Variants in CHMP4B observed in about 807,000 individuals in gnomAD.
CHMP4B encodes charged multivesicular body protein 4B.
In CHMP4B, 1 loss-of-function variant was observed where a neutral mutation model predicts 25.1. The observed-to-expected ratio is 0.04, with a 90% CI of 0.01 to 0.19. The LOEUF (loss-of-function observed/expected upper bound fraction) is 0.19. Among genes scored for constraint, CHMP4B ranks in the 10% least tolerant of loss-of-function variants. The pLI, the probability that CHMP4B is intolerant of heterozygous loss-of-function variation, is 1.00. For synonymous variants in CHMP4B, 101 were observed against 115.6 expected (o/e 0.87, Z 0.81); for missense variants, 151 against 289.7 (o/e 0.52, Z 3.48).
At chr20:33,851,151 A>C in intron 3 of CHMP4B, 85 bp downstream of exon 3, 2 of 889,488 alleles carry the variant, frequency 2.2e-6, no homozygotes, top group Non-Finnish European at 3.8e-6. Context: ...GCTCTCAGGC[A>C]GGGAGCATTT....
At chr20:33,847,600 G>A (rs1234152772) in intron 1 of CHMP4B, among the ~76,000 whole-genome samples, 2 of 152,190 alleles carry the variant, frequency 1.3e-5, no homozygotes, top group East Asian at 3.8e-4. Flanking sequence ...ACCTTAACAT[G>A]AGGTGATCTC....
At chr20:33,823,178 C>T (rs1161479446) in intron 1 of CHMP4B, among the ~76,000 whole-genome samples, 1 of 151,132 alleles carries the variant, frequency 6.6e-6, no homozygotes, top group African/African-American at 2.4e-5. Context: ...GAAATGAAAA[C>T]ATTTCCCCCA....
intron 1 of CHMP4B, among the ~76,000 whole-genome samples, chr20:33,836,224 A>C (rs1979388161): frequency 6.6e-6 from 1 of 152,190 alleles, no homozygotes; most frequent in African/African-American, 2.4e-5. Flanking sequence ...ATTTCTTTGC[A>C]TAAATGGTAG....
chr20:33,848,456 C>A lies in CHMP4B; in HGVS notation c.191-11C>A. 6.2e-7 allele frequency: 1 copy of A among 1,613,916 alleles called. No individual in the cohort carries two copies. Among genetic ancestry groups the A allele is most frequent in the African/African-American group, 1.3e-5 (1 of 75,050 alleles). The stretch of plus-strand genomic sequence containing the variant: ...GGGACTCTCTGAAACCCTGTTTTCT[C>A]CCTCACGCAGCGGCCCTCCAGGCAC... On this transcript the variant is annotated splice_polypyrimidine_tract_variant and intron_variant, in intron 1 of 4. Coordinates refer to ENST00000217402, the MANE Select transcript of CHMP4B (RefSeq NM_176812.5).
intron 1 of CHMP4B, among the ~76,000 whole-genome samples, chr20:33,845,910 C>G (rs764172206): frequency 3.0e-4 from 46 of 152,196 alleles, no homozygotes; most frequent in Non-Finnish European, 5.9e-4. Flanking sequence ...GTTCTGTAGA[C>G]CTTGTGCTAG....
intron 1 of CHMP4B, among the ~76,000 whole-genome samples, chr20:33,841,199 C>T (rs1979532336): frequency 6.6e-6 from 1 of 152,212 alleles, no homozygotes; most frequent in Admixed American, 6.5e-5. Flanking sequence ...GAGTACTGTA[C>T]TCCCTATGTG....
At chr20:33,853,245 T>G (rs1471383788) in intron 4 of CHMP4B, among the ~76,000 whole-genome samples, 2 of 152,142 alleles carry the variant, frequency 1.3e-5, no homozygotes, top group African/African-American at 4.8e-5. Context: ...AGGGCCTCTG[T>G]GTAGAATCCT....
Position 33,852,144 on chromosome 20 carries a change from G to A in CHMP4B, c.551G>A (p.Ser184Asn). 6.2e-7 allele frequency: 1 copy of A among 1,614,240 alleles called. No homozygotes were observed. Among genetic ancestry groups the A allele is most frequent in the Non-Finnish European group, 8.5e-7 (1 of 1,180,034 alleles). ...EELDKNLLEISGPETVPLPNV... is the reference protein window; with the variant it reads ...EELDKNLLEINGPETVPLPNV... ...CTAGACAAGAATTTGCTGGAAATCA[G>A]TGGACCCGAAACAGTCCCTCTACCA... The change falls in exon 4 of 5, where the codon AGT (serine) becomes AAT (asparagine). Residue 184 changes from serine to asparagine, a missense_variant. Physicochemically the swap from Ser to Asn is conservative, Grantham distance 46. Transcript: ENST00000217402.
At chr20:33,846,207 G>A (rs1458520979) in intron 1 of CHMP4B, among the ~76,000 whole-genome samples, 1 of 152,152 alleles carries the variant, frequency 6.6e-6, no homozygotes, top group Non-Finnish European at 1.5e-5. Flanking sequence ...TCCCCTCTCT[G>A]CCAGTTACCT....
At chr20:33,838,038 A>G (rs544710334) in intron 1 of CHMP4B, among the ~76,000 whole-genome samples, 1 of 152,326 alleles carries the variant, frequency 6.6e-6, no homozygotes, top group East Asian at 1.9e-4. Flanking sequence ...TACTTTAGTC[A>G]TGGCAGAGTT....
At chr20:33,822,408 G>A (rs568404601) in intron 1 of CHMP4B, among the ~76,000 whole-genome samples, 14 of 152,332 alleles carry the variant, frequency 9.2e-5, no homozygotes, top group African/African-American at 3.4e-4. Flanking sequence ...GCCTCCCAAA[G>A]TGCTGGGATT....
chr20:33,819,894 G>A (rs1028259409), intron 1 of CHMP4B, among the ~76,000 whole-genome samples: 1 of 152,148 alleles, frequency 6.6e-6, no homozygotes, highest in Non-Finnish European at 1.5e-5. Context: ...CTGGCCAGGC[G>A]TGGTGGCTCA....
intron 1 of CHMP4B, among the ~76,000 whole-genome samples, chr20:33,845,602 C>T (rs1309219713): frequency 5.9e-5 from 9 of 152,184 alleles, no homozygotes; most frequent in African/African-American, 1.7e-4. Flanking sequence ...GGATTACAGG[C>T]GTGAGCCAGC....
intron 2 of CHMP4B, among the ~76,000 whole-genome samples, chr20:33,849,551 T>C (rs182038843): frequency 3.3e-5 from 5 of 152,154 alleles, no homozygotes; most frequent in Admixed American, 2.6e-4. Context: ...TGAGCCAAAA[T>C]TGCACCACTG....
At chr20:33,842,559 A>G (rs1486967608) in intron 1 of CHMP4B, among the ~76,000 whole-genome samples, 6 of 152,328 alleles carry the variant, frequency 3.9e-5, no homozygotes, top group Non-Finnish European at 8.8e-5. Flanking sequence ...CCTGCCTGCC[A>G]GTAGCCCTAC....
intron 1 of CHMP4B, among the ~76,000 whole-genome samples, chr20:33,826,867 G>A (rs1342873249): frequency 1.3e-5 from 2 of 152,160 alleles, no homozygotes; most frequent in African/African-American, 2.4e-5. Context: ...CTAATATTGT[G>A]CATTTCACTC....
intron 1 of CHMP4B, among the ~76,000 whole-genome samples, chr20:33,840,261 G>C (rs2078990397): frequency 6.6e-6 from 1 of 151,518 alleles, no homozygotes; most frequent in South Asian, 2.1e-4. Context: ...AAAAAAAGGG[G>C]GGGGACAGGA....
chr20:33,848,457 C>A lies in CHMP4B; in HGVS notation c.191-10C>A. On this transcript the variant is annotated splice_polypyrimidine_tract_variant and intron_variant, in intron 1 of 4. Coordinates refer to ENST00000217402, the MANE Select transcript of CHMP4B (RefSeq NM_176812.5). ...GGACTCTCTGAAACCCTGTTTTCTC[C>A]CTCACGCAGCGGCCCTCCAGGCACT... 1 of 1,613,916 alleles carries A rather than the reference C, an allele frequency of 6.2e-7. No individual in the cohort carries two copies. Among genetic ancestry groups the A allele is most frequent in the Non-Finnish European group, 8.5e-7 (1 of 1,179,974 alleles).
chr20:33,814,460 G>A (rs1462374101), intron 1 of CHMP4B, among the ~76,000 whole-genome samples: 1 of 152,152 alleles, frequency 6.6e-6, no homozygotes, highest in East Asian at 1.9e-4. Context: ...CTGTTTGGGG[G>A]GAAGGATAAA....
Sources: allele counts gnomAD v4.1 joint callset (sites outside exome capture counted in the v4.1 genomes callset), GRCh38; gene constraint gnomAD v4.1.1; transcripts MANE v1.5; gene names NCBI Gene and HGNC (gene_info 2026-07-23, HGNC 2026-07-21).